ADAMTSL1: variants seen among roughly 807,000 people sequenced by gnomAD.
ADAMTSL1 encodes the protein ADAMTS like 1.
ADAMTSL1 carries 126 observed loss-of-function variants against 201.8 expected under a neutral mutation model. The observed-to-expected ratio is 0.62, with a 90% CI of 0.54 to 0.72. The LOEUF is 0.72. Ranked by LOEUF, ADAMTSL1 falls within the 30% of genes least tolerant of loss-of-function variation. The pLI, the probability that ADAMTSL1 is intolerant of heterozygous loss-of-function variation, is 0.00. For synonymous variants in ADAMTSL1, 1,121 were observed against 903.4 expected (o/e 1.24, Z -4.32); for missense variants, 2,679 against 2,277.8 (o/e 1.18, Z -3.59).
At chr9:17,923,011 T>C (rs1826370489) in intron 1 of ADAMTSL1, among the ~76,000 whole-genome samples, 1 of 152,146 alleles carries the variant, frequency 6.6e-6, no homozygotes, top group Admixed American at 6.5e-5. Flanking sequence ...CCCTGGAAGA[T>C]TAACAGATAC....
At chr9:18,041,275 T>C (rs1821415572) in intron 1 of ADAMTSL1, among the ~76,000 whole-genome samples, 1 of 152,218 alleles carries the variant, frequency 6.6e-6, no homozygotes, top group Admixed American at 6.5e-5. Context: ...ATTTTAGTTT[T>C]TTTGTGTGCA....
intron 2 of ADAMTSL1, among the ~76,000 whole-genome samples, chr9:18,217,408 A>C (rs563962583): frequency 6.6e-6 from 1 of 151,966 alleles, no homozygotes; most frequent in Non-Finnish European, 1.5e-5. Flanking sequence ...AAGAAGTAGC[A>C]TTACCCCTCC....
chr9:18,835,182 C>G, intron 23 of ADAMTSL1, among the ~76,000 whole-genome samples: 1 of 152,068 alleles, frequency 6.6e-6, no homozygotes, highest in East Asian at 1.9e-4. Context: ...GTAGTGGTTT[C>G]TCATTGTGGT....
chr9:18,793,238 C>A (rs906190948), intron 19 of ADAMTSL1: 1 of 152,242 alleles, frequency 6.6e-6, no homozygotes, highest in Admixed American at 6.5e-5. Context: ...ACTTCTACTT[C>A]CTGCCTTTCC....
intron 1 of ADAMTSL1, among the ~76,000 whole-genome samples, chr9:17,930,613 G>A (rs1006845544): frequency 2.0e-5 from 3 of 152,070 alleles, no homozygotes; most frequent in Non-Finnish European, 4.4e-5. Context: ...GGATACATAT[G>A]GATTCACAAA....
chr9:17,975,366 A>G (rs116759158), intron 1 of ADAMTSL1, among the ~76,000 whole-genome samples: 235 of 152,178 alleles, frequency 1.5e-3, no homozygotes, highest in African/African-American at 5.5e-3. Context: ...GAAGTCCAAG[A>G]TCAGGGCACC....
intron 2 of ADAMTSL1, among the ~76,000 whole-genome samples, chr9:18,252,872 GCTAT>G (rs1451926120): frequency 6.6e-6 from 1 of 152,102 alleles, no homozygotes; most frequent in Non-Finnish European, 1.5e-5. Flanking sequence ...CTTTGACTAA[GCTAT>G]CTAACTTTGG....
chr9:18,559,369 T>C (rs1217329785), intron 3 of ADAMTSL1, among the ~76,000 whole-genome samples: 1 of 152,162 alleles, frequency 6.6e-6, no homozygotes, highest in Non-Finnish European at 1.5e-5. Context: ...GGTCTATATA[T>C]CTGTTTTGGT....
At chr9:18,303,120 G>A (rs1376066805) in intron 2 of ADAMTSL1, among the ~76,000 whole-genome samples, 1 of 152,098 alleles carries the variant, frequency 6.6e-6, no homozygotes, top group Non-Finnish European at 1.5e-5. Context: ...TTAGTTAGTA[G>A]GTACTTATTT....
intron 3 of ADAMTSL1, among the ~76,000 whole-genome samples, chr9:18,543,869 T>C (rs1312450407): frequency 6.6e-6 from 1 of 152,186 alleles, no homozygotes; most frequent in Non-Finnish European, 1.5e-5. Context: ...CTTCTGACTG[T>C]GGCACACATT....
intron 2 of ADAMTSL1, among the ~76,000 whole-genome samples, chr9:18,373,904 C>T (rs914167825): frequency 6.6e-6 from 1 of 152,184 alleles, no homozygotes; most frequent in Non-Finnish European, 1.5e-5. Context: ...CCACTGTCCC[C>T]AGCTCCCCAT....
intron 1 of ADAMTSL1, among the ~76,000 whole-genome samples, chr9:18,133,406 G>C (rs922348919): frequency 1.3e-5 from 2 of 152,080 alleles, no homozygotes; most frequent in African/African-American, 2.4e-5. Flanking sequence ...TATTGAGCTG[G>C]GTGGGCCAGG....
chr9:18,660,126 C>T (rs1210651129), intron 8 of ADAMTSL1, among the ~76,000 whole-genome samples: 1 of 152,146 alleles, frequency 6.6e-6, no homozygotes, highest in Non-Finnish European at 1.5e-5. Flanking sequence ...CAGTGGTTTT[C>T]AGATGTTTCT....
chr9:18,451,064 G>T (rs1005454839), intron 2 of ADAMTSL1, among the ~76,000 whole-genome samples: 2 of 152,138 alleles, frequency 1.3e-5, no homozygotes, highest in Middle Eastern at 3.2e-3. Flanking sequence ...AGGTACTTTT[G>T]AAAAGTCAAA....
chr9:18,628,345 G>T (rs963985132), intron 5 of ADAMTSL1, among the ~76,000 whole-genome samples: 1 of 152,058 alleles, frequency 6.6e-6, no homozygotes, highest in African/African-American at 2.4e-5. Flanking sequence ...GAAAAAGACA[G>T]CCTTTTCTCT....
At chr9:18,475,950 T>C (rs186853171) in intron 1 of ADAMTSL1, among the ~76,000 whole-genome samples, 2 of 152,192 alleles carry the variant, frequency 1.3e-5, no homozygotes, top group Non-Finnish European at 2.9e-5. Context: ...AATATTCATA[T>C]ATGTATTAGA....
intron 2 of ADAMTSL1, among the ~76,000 whole-genome samples, chr9:18,443,666 CT>C (rs1820083092): frequency 6.6e-6 from 1 of 152,028 alleles, no homozygotes; most frequent in African/African-American, 2.4e-5. Context: ...CTTTGCAGTC[CT>C]TTTTCAGCCT....
chr9:18,142,868 C>T (rs537439846), intron 1 of ADAMTSL1, among the ~76,000 whole-genome samples: 15 of 152,186 alleles, frequency 9.9e-5, no homozygotes, highest in Non-Finnish European at 2.1e-4. Context: ...CCTGGTTTAG[C>T]TAGTTTCTAC....
At position 18,908,267 on chromosome 9, in the gene ADAMTSL1, G is replaced by C. The variant is rs545213455; in HGVS notation, c.5183-175G>C. Reference sequence around the variant, plus strand: ...CCACCCCTGCTGTTGGCAGCCTTGGGGAGCAAGTGGCTGAGCTCTGTCAAA... The same window carrying C: ...CCACCCCTGCTGTTGGCAGCCTTGGCGAGCAAGTGGCTGAGCTCTGTCAAA... On this transcript the variant is annotated intron_variant, in intron 28 of 28. Coordinates refer to ENST00000380548, the MANE Select transcript of ADAMTSL1 (RefSeq NM_001040272.6). 4 of 633,434 alleles carry C rather than the reference G, an allele frequency of 6.3e-6. No homozygotes were observed. In the Admixed American group the frequency reaches 9.0e-5, roughly 14 times the overall value. The allele number at this position is 633,434 out of a possible 1,614,324, so 39.2% of individuals were successfully genotyped here. A position where few individuals can be genotyped will look rare whatever the true frequency, so the allele number is the denominator to read the frequency against.
Sources: allele counts gnomAD v4.1 joint callset (sites outside exome capture counted in the v4.1 genomes callset), GRCh38; gene constraint gnomAD v4.1.1; transcripts MANE v1.5; gene names NCBI Gene and HGNC (gene_info 2026-07-23, HGNC 2026-07-21).